The following PTPRM variants were observed in gnomAD, a reference collection of about 807,000 sequenced individuals.
The protein encoded by PTPRM is protein tyrosine phosphatase receptor type M.
Under a neutral mutation model 186.7 loss-of-function variants are expected in PTPRM, and 47 were observed. That is an observed-to-expected ratio of 0.25 (90% CI 0.20 to 0.32). The LOEUF (loss-of-function observed/expected upper bound fraction) is 0.32, where lower values mean the gene tolerates loss of function less well. Among genes scored for constraint, PTPRM ranks in the 10% least tolerant of loss-of-function variants. The probability of loss-of-function intolerance (pLI) is 1.00; values close to 1 mark genes in which losing one functional copy is unlikely to be tolerated. For synonymous variants in PTPRM, 668 were observed against 674.9 expected (o/e 0.99, Z 0.16); for missense variants, 1,494 against 1,865.0 (o/e 0.80, Z 3.66).
rs2094398575 is a variant in PTPRM, at chr18:8,240,134, G to A, written c.2301-3924G>A. ...GTCTGAAACGGGAGGCTCAAAAGAG[G>A]GAGAAAGAAAAAGAGAGAAACAAAC... is the stretch of plus-strand genomic sequence containing the variant. On this transcript the variant is annotated intron_variant, in intron 14 of 32. Transcript: ENST00000580170. Among the ~76,000 whole-genome samples the A allele has an allele frequency of 2.0e-5, 3 of 152,030 alleles. No homozygotes were observed. In the South Asian group the frequency reaches 6.2e-4, roughly 32 times the overall value.
intron 1 of PTPRM, among the ~76,000 whole-genome samples, chr18:7,752,110 C>T (rs2041246316): frequency 6.6e-6 from 1 of 152,198 alleles, no homozygotes; most frequent in Admixed American, 6.5e-5. Flanking sequence ...CTTTTTCCTC[C>T]TGTTTCCCCT....
intron 7 of PTPRM, among the ~76,000 whole-genome samples, chr18:8,020,950 A>C (rs547231088): frequency 1.8e-4 from 27 of 152,282 alleles, no homozygotes; most frequent in East Asian, 5.8e-4. Context: ...TCCCAGACAC[A>C]GTTCCAGTGG....
At chr18:7,712,377 A>G (rs537233546) in intron 1 of PTPRM, among the ~76,000 whole-genome samples, 1 of 152,284 alleles carries the variant, frequency 6.6e-6, no homozygotes, top group East Asian at 1.9e-4. Flanking sequence ...GAAAGAACAA[A>G]GGTAGATAAA....
At chr18:7,603,304 G>C (rs2037452385) in intron 1 of PTPRM, among the ~76,000 whole-genome samples, 1 of 152,218 alleles carries the variant, frequency 6.6e-6, no homozygotes, top group Non-Finnish European at 1.5e-5. Context: ...TTTAACTGTA[G>C]AATTTGTTTT....
chr18:7,965,059 C>T (rs558535846), intron 7 of PTPRM, among the ~76,000 whole-genome samples: 3 of 93,958 alleles, frequency 3.2e-5, no homozygotes, highest in East Asian at 2.6e-4. Context: ...TTTTTTGAGA[C>T]GGAGTTTCGC....
intron 2 of PTPRM, among the ~76,000 whole-genome samples, chr18:7,784,239 C>T (rs930167009): frequency 6.6e-6 from 1 of 152,120 alleles, no homozygotes; most frequent in South Asian, 2.1e-4. Context: ...AGACCAGGAA[C>T]AAATAGAAGT....
intron 2 of PTPRM, 43 bp from the exon 3 acceptor site, chr18:7,888,063 G>A (rs375181423): frequency 6.2e-7 from 1 of 1,612,690 alleles, no homozygotes; most frequent in Non-Finnish European, 8.5e-7. Context: ...TAACCAGAAA[G>A]TAGTGTTTCA....
At chr18:8,044,731 T>G (rs1373443230) in intron 7 of PTPRM, among the ~76,000 whole-genome samples, 62 of 127,090 alleles carry the variant, frequency 4.9e-4, no homozygotes, top group African/African-American at 1.8e-3. Context: ...TACTCCAGCC[T>G]GGGTAACAGA....
At chr18:8,265,891 T>C (rs550102062) in intron 19 of PTPRM, among the ~76,000 whole-genome samples, 1 of 152,292 alleles carries the variant, frequency 6.6e-6, no homozygotes, top group Admixed American at 6.5e-5. Context: ...ATTTCCAGTT[T>C]CATGGGCGTA....
At chr18:8,072,481 G>C (rs2148457949) in intron 8 of PTPRM, among the ~76,000 whole-genome samples, 1 of 152,064 alleles carries the variant, frequency 6.6e-6, no homozygotes, top group East Asian at 1.9e-4. Flanking sequence ...TCATTAATTA[G>C]AAAAAACTTT....
At chr18:7,828,881 AC>A (rs2045622729) in intron 2 of PTPRM, among the ~76,000 whole-genome samples, 1 of 152,298 alleles carries the variant, frequency 6.6e-6, no homozygotes, top group Middle Eastern at 3.4e-3. Context: ...AAAGATAAAA[AC>A]GTTTACACAA....
chr18:8,088,873 C>T (rs761136804), intron 11 of PTPRM, 22 bp downstream of exon 11: 11 of 1,547,452 alleles, frequency 7.1e-6, no homozygotes, highest in South Asian at 3.4e-5. Context: ...AGGGTTGGGC[C>T]GGCTCTAGAT....
chr18:8,137,767 T>G (rs893484641), intron 13 of PTPRM, among the ~76,000 whole-genome samples: 1 of 152,102 alleles, frequency 6.6e-6, no homozygotes, highest in African/African-American at 2.4e-5. Flanking sequence ...TGAGGCACTC[T>G]TCCCACCCAG....
At chr18:8,008,069 CT>C (rs2084297973) in intron 7 of PTPRM, among the ~76,000 whole-genome samples, 1 of 152,094 alleles carries the variant, frequency 6.6e-6, no homozygotes, top group Non-Finnish European at 1.5e-5. Context: ...GAAATTATTC[CT>C]GAAATCCCTT....
At chr18:7,710,684 A>C (rs2040193150) in intron 1 of PTPRM, among the ~76,000 whole-genome samples, 1 of 152,246 alleles carries the variant, frequency 6.6e-6, no homozygotes, top group Non-Finnish European at 1.5e-5. Flanking sequence ...TTTGATAAAC[A>C]AATTCAGTAA....
At chr18:7,878,457 C>T (rs557424802) in intron 2 of PTPRM, among the ~76,000 whole-genome samples, 2 of 152,240 alleles carry the variant, frequency 1.3e-5, no homozygotes, top group South Asian at 4.1e-4. Context: ...CCTTTGGCTT[C>T]TTCTTCAGGA....
intron 6 of PTPRM, among the ~76,000 whole-genome samples, chr18:7,951,609 A>T (rs77264110): frequency 0.022 from 3,284 of 152,294 alleles, 44 homozygotes; most frequent in African/African-American, 0.044. Flanking sequence ...GATAAAAATT[A>T]CCAGGGACTT....
chr18:8,176,502 A>G (rs528071881), intron 14 of PTPRM, among the ~76,000 whole-genome samples: 1 of 152,194 alleles, frequency 6.6e-6, no homozygotes, highest in African/African-American at 2.4e-5. Flanking sequence ...ATATGTATAC[A>G]TATGTAGGAT....
At chr18:8,358,037 C>CCAA (rs2095572894) in intron 23 of PTPRM, among the ~76,000 whole-genome samples, 1 of 152,068 alleles carries the variant, frequency 6.6e-6, no homozygotes, top group Non-Finnish European at 1.5e-5. Context: ...TATGCCAACC[C>CCAA]CAACCTCTGT....
Sources: gnomAD v4.1 joint callset for allele counts (sites outside exome capture counted in the v4.1 genomes callset) on GRCh38, gnomAD v4.1.1 for gene constraint, MANE v1.5 for transcripts, NCBI Gene and HGNC (gene_info 2026-07-23, HGNC 2026-07-21) for gene names.